Variants in SYNPR observed in about 807,000 individuals in gnomAD.
The protein encoded by SYNPR is synaptoporin.
In SYNPR, 23 loss-of-function variants were observed where a neutral mutation model predicts 32.9. The ratio of observed to expected loss-of-function variants is 0.70; its 90% CI spans 0.50 to 0.99. The LOEUF is 0.99. Among genes scored for constraint, SYNPR ranks in the 50% least tolerant of loss-of-function variants. The probability of loss-of-function intolerance (pLI) is 0.00; values close to 1 mark genes in which losing one functional copy is unlikely to be tolerated. For synonymous variants in SYNPR, 146 were observed against 135.9 expected (o/e 1.07, Z -0.52); for missense variants, 318 against 349.3 (o/e 0.91, Z 0.71).
chr3:63,591,284 G>A (rs62250829), intron 4 of SYNPR, among the ~76,000 whole-genome samples: 10,623 of 99,070 alleles, frequency 0.11, 1,021 homozygotes, highest in Middle Eastern at 0.15. Context: ...TTAGAATGGC[G>A]ATCATTAAAA....
chr3:63,606,901 TG>T (rs1321439916), intron 4 of SYNPR, among the ~76,000 whole-genome samples: 8 of 152,306 alleles, frequency 5.3e-5, no homozygotes, highest in Non-Finnish European at 7.4e-5. Context: ...ATCTATTTCA[TG>T]GTGCAGTTGT....
At chr3:63,289,868 C>T (rs953418661) in intron 2 of SYNPR, among the ~76,000 whole-genome samples, 4 of 152,262 alleles carry the variant, frequency 2.6e-5, no homozygotes, top group East Asian at 1.9e-4. Flanking sequence ...CGGTGTCTCA[C>T]GCCTGTAATC....
At chr3:63,304,422 C>A (rs559290542) in intron 2 of SYNPR, among the ~76,000 whole-genome samples, 42 of 150,982 alleles carry the variant, frequency 2.8e-4, no homozygotes, top group Admixed American at 9.9e-4. Context: ...ATGTATTTTT[C>A]CTCTTTTAAC....
upstream of SYNPR, among the ~76,000 whole-genome samples, chr3:63,225,914 G>C (rs942112305): frequency 6.6e-6 from 1 of 151,562 alleles, no homozygotes; most frequent in African/African-American, 2.4e-5. Context: ...TATGACAAGG[G>C]ACTAACATCA....
chr3:63,515,432 A>G (rs1221470214), intron 3 of SYNPR, among the ~76,000 whole-genome samples: 1 of 152,124 alleles, frequency 6.6e-6, no homozygotes, highest in African/African-American at 2.4e-5. Flanking sequence ...AATTGTCATA[A>G]TTATTATCTT....
At chr3:63,362,253 T>C (rs1333435709) in intron 2 of SYNPR, among the ~76,000 whole-genome samples, 1 of 152,244 alleles carries the variant, frequency 6.6e-6, no homozygotes, top group Non-Finnish European at 1.5e-5. Context: ...TAAACCTCTG[T>C]TGTTTTAAAA....
chr3:63,433,932 C>G (rs1012097794), intron 2 of SYNPR, among the ~76,000 whole-genome samples: 2 of 152,146 alleles, frequency 1.3e-5, no homozygotes, highest in Non-Finnish European at 2.9e-5. Context: ...TAGACCAACT[C>G]CATTCCTTTG....
At chr3:63,342,066 A>T (rs2087376769) in intron 2 of SYNPR, among the ~76,000 whole-genome samples, 1 of 152,202 alleles carries the variant, frequency 6.6e-6, no homozygotes, top group South Asian at 2.1e-4. Flanking sequence ...TTCATTTTTT[A>T]AAATATTGCA....
At chr3:63,210,817 CTTCCT>C in the SYNPR span, among the ~76,000 whole-genome samples, 1 of 147,766 alleles carries the variant, frequency 6.8e-6, no homozygotes, top group Non-Finnish European at 1.5e-5. Context: ...TCCTTCCTTC[CTTCCT>C]TTCCTTCCTC....
intron 2 of SYNPR, among the ~76,000 whole-genome samples, chr3:63,457,950 A>G (rs1700514985): frequency 6.6e-6 from 1 of 152,246 alleles, no homozygotes; most frequent in South Asian, 2.1e-4. Flanking sequence ...ACTTGAAATG[A>G]TAGAATTTTC....
intron 4 of SYNPR, among the ~76,000 whole-genome samples, chr3:63,579,601 C>T (rs1388292853): frequency 6.6e-6 from 1 of 152,048 alleles, no homozygotes; most frequent in East Asian, 1.9e-4. Context: ...GACTATATTT[C>T]CAGTGTTTAG....
the SYNPR span, among the ~76,000 whole-genome samples, chr3:63,219,078 A>T: frequency 6.6e-6 from 1 of 152,206 alleles, no homozygotes; most frequent in Non-Finnish European, 1.5e-5. Flanking sequence ...TTAAGTCAAG[A>T]TAAGTTCTAT....
At chr3:63,416,532 A>T (rs1270105655) in intron 2 of SYNPR, among the ~76,000 whole-genome samples, 5 of 20,680 alleles carry the variant, frequency 2.4e-4, no homozygotes, top group Non-Finnish European at 4.6e-4. Flanking sequence ...ACTCTGTCTT[A>T]AAAAAAAAAA....
intron 2 of SYNPR, among the ~76,000 whole-genome samples, chr3:63,308,747 T>C (rs895062472): frequency 6.6e-6 from 1 of 152,006 alleles, no homozygotes; most frequent in African/African-American, 2.4e-5. Flanking sequence ...GATTTTCTTC[T>C]TCATCATATG....
In SYNPR at chr3:63,576,546, C is replaced by G. The variant is rs191822343; in HGVS notation, c.408+19805C>G. 2.0e-4 allele frequency among the ~76,000 whole-genome samples: 30 copies of G among 152,146 alleles called. No homozygotes were observed. The East Asian group carries it at 4.8e-3, about 25-fold the overall frequency. ...GTGACTCACACCTGTAATCCCAACACTTTGGGAGGCTGAGGCAGGCGGATC... is the reference window on the plus strand; with the variant it reads ...GTGACTCACACCTGTAATCCCAACAGTTTGGGAGGCTGAGGCAGGCGGATC... On this transcript the variant is annotated intron_variant, in intron 4 of 5. Transcript: ENST00000478300.
chr3:63,583,575 T>C (rs1408446205), intron 4 of SYNPR, among the ~76,000 whole-genome samples: 4 of 152,090 alleles, frequency 2.6e-5, no homozygotes, highest in Non-Finnish European at 5.9e-5. Context: ...CATTTTTATG[T>C]AGCTAACAAG....
intron 1 of SYNPR, among the ~76,000 whole-genome samples, chr3:63,250,927 A>G (rs547943660): frequency 1.3e-5 from 2 of 152,238 alleles, no homozygotes; most frequent in South Asian, 2.1e-4. Context: ...TTTTTTAGCT[A>G]TGGAAACTAG....
chr3:63,237,472 A>C (rs1011631398), intron 1 of SYNPR, among the ~76,000 whole-genome samples: 1 of 151,984 alleles, frequency 6.6e-6, no homozygotes, highest in African/African-American at 2.4e-5. Flanking sequence ...ATTTGTTGTT[A>C]CAGCGTTCTT....
intron 2 of SYNPR, among the ~76,000 whole-genome samples, chr3:63,412,005 G>C (rs1468394541): frequency 6.6e-6 from 1 of 152,088 alleles, no homozygotes; most frequent in Non-Finnish European, 1.5e-5. Context: ...TGCAGGCCAA[G>C]AGTGGATTAC....
Sources: allele counts gnomAD v4.1 joint callset (sites outside exome capture counted in the v4.1 genomes callset), GRCh38; gene constraint gnomAD v4.1.1; transcripts MANE v1.5; gene names NCBI Gene and HGNC (gene_info 2026-07-23, HGNC 2026-07-21).